Variants in CFH observed in about 807,000 individuals in gnomAD.
CFH encodes the protein H factor 1 (complement).
Under a neutral mutation model 147.3 loss-of-function variants are expected in CFH, and 53 were observed. The ratio of observed to expected loss-of-function variants is 0.36; its 90% confidence interval spans 0.29 to 0.45. The LOEUF (loss-of-function observed/expected upper bound fraction) is 0.45. Ranked by LOEUF, CFH falls within the 20% of genes least tolerant of loss-of-function variation. The pLI, the probability that CFH is intolerant of heterozygous loss-of-function variation, is 1.00. For synonymous variants in CFH, 536 were observed against 489.4 expected (o/e 1.10, Z -1.26); for missense variants, 1,380 against 1,498.0 (o/e 0.92, Z 1.30).
At chr1:196,664,524 T>A (rs2149071920) in intron 1 of CFH, among the ~76,000 whole-genome samples, 1 of 152,166 alleles carries the variant, frequency 6.6e-6, no homozygotes, top group South Asian at 2.1e-4. Context: ...ATAAAAGGAG[T>A]CATAGACAAT....
intron 10 of CFH, among the ~76,000 whole-genome samples, chr1:196,714,815 C>A (rs1402285723): frequency 6.7e-6 from 1 of 150,092 alleles, no homozygotes; most frequent in African/African-American, 2.4e-5. Context: ...ATTCTCCTAC[C>A]TCAGCCTCCT....
chr1:196,746,043 G>A (rs1260520796), intron 21 of CFH, 44 bp downstream of exon 21: 2 of 1,613,602 alleles, frequency 1.2e-6, no homozygotes, highest in African/African-American at 2.7e-5. Context: ...TCTCTGTGAT[G>A]AGTCTGATAT....
intron 9 of CFH, among the ~76,000 whole-genome samples, chr1:196,704,479 C>A (rs1230213234): frequency 1.3e-5 from 2 of 152,202 alleles, no homozygotes; most frequent in African/African-American, 4.8e-5. Flanking sequence ...CAGGTGCCTT[C>A]AGACCAAGCA....
intron 11 of CFH, 39 bp from the exon 12 acceptor site, chr1:196,725,082 A>T (rs56225627): frequency 6.5e-7 from 1 of 1,546,312 alleles, no homozygotes; most frequent in Non-Finnish European, 8.9e-7. Context: ...GGCAATGATT[A>T]ATTATATATT....
Position 196,673,842 on chromosome 1 carries a change from T to TTC in CFH, c.245-14_245-13insCT. 1 of 1,551,772 alleles carries TTC rather than the reference T, an allele frequency of 6.4e-7. No homozygotes were observed. The highest frequency in any genetic ancestry group is 1.7e-5 in the Admixed American group (1 of 59,910). ...GCTATTACATACTAATTCATAACTTTTTTTTTCGTTTTAGAAAGGCCCTGT... is the reference window on the plus strand; with the variant it reads ...GCTATTACATACTAATTCATAACTTTTCTTTTTTCGTTTTAGAAAGGCCCTGT... On this transcript the variant is annotated splice_polypyrimidine_tract_variant and intron_variant, in intron 2 of 21. Coordinates refer to ENST00000367429, the MANE Select transcript of CFH (RefSeq NM_000186.4).
At chr1:196,737,756 A>T (rs1652617909) in intron 17 of CFH, 96 bp downstream of exon 17, 1 of 869,046 alleles carries the variant, frequency 1.2e-6, no homozygotes, top group Non-Finnish European at 1.8e-6. Context: ...AGATTACTGC[A>T]TATATAAAAT....
intron 1 of CFH, among the ~76,000 whole-genome samples, chr1:196,670,867 T>C (rs145288086): frequency 2.6e-5 from 4 of 152,326 alleles, no homozygotes; most frequent in African/African-American, 9.6e-5. Flanking sequence ...CTTTGAGCTA[T>C]TGTTTCTTCA....
chr1:196,679,416 C>G (rs913951614), intron 5 of CFH: 2 of 426,012 alleles, frequency 4.7e-6, no homozygotes, highest in Admixed American at 7.8e-5. Flanking sequence ...TATCCTGAAA[C>G]TAAATAAAAT....
chr1:196,743,192 C>A (rs1425397229), intron 19 of CFH, among the ~76,000 whole-genome samples: 1 of 152,044 alleles, frequency 6.6e-6, no homozygotes, highest in Non-Finnish European at 1.5e-5. Context: ...CACTGGCTTC[C>A]AGAAGGGAAA....
intron 11 of CFH, among the ~76,000 whole-genome samples, chr1:196,719,944 A>G (rs1158386129): frequency 2.0e-5 from 3 of 151,736 alleles, no homozygotes; most frequent in African/African-American, 7.2e-5. Flanking sequence ...AACTTAAAAT[A>G]TATTAGAAAT....
At chr1:196,712,608 G>GTTATTATTATTA (rs371151489) in intron 9 of CFH, among the ~76,000 whole-genome samples, 4 of 149,052 alleles carry the variant, frequency 2.7e-5, no homozygotes, top group African/African-American at 7.4e-5. Context: ...CTTTTTTTGG[G>GTTATTATTATTA]TTATTATTAT....
intron 15 of CFH, among the ~76,000 whole-genome samples, chr1:196,729,142 A>G (rs395544): frequency 0.66 from 99,487 of 151,772 alleles, 33,380 homozygotes; most frequent in East Asian, 0.95. Flanking sequence ...TGCCTCACTA[A>G]CTTCAATATT....
At position 196,685,085 on chromosome 1, in the gene CFH, A is replaced by G. The variant is rs781344392; in HGVS notation, c.812A>G (p.Tyr271Cys). The G allele has an allele frequency of 3.1e-6, 5 of 1,610,452 alleles. No homozygotes were observed. The South Asian group carries it at 4.4e-5, about 14-fold the overall frequency. Residue 271 changes from tyrosine (Y) to cysteine (C), a missense_variant, in exon 7 of 22, where the codon TAT becomes TGT. Tyr to Cys is a radical substitution (Grantham distance 194). Around this residue, in one of 4 missense-constraint regions of CFH, gnomAD observed 167 missense variants for 228.0 expected, o/e 0.73. Coordinates refer to ENST00000367429, the MANE Select transcript of CFH (RefSeq NM_000186.4). ...SCEEKSCDNP[Y>C]IPNGDYSPLR... is the part of the protein sequence containing the mutation. Reference sequence around the variant, plus strand: ...TCAGAAAAATCATGTGATAATCCTTATATTCCAAATGGTGACTACTCACCT... The same window carrying G: ...TCAGAAAAATCATGTGATAATCCTTGTATTCCAAATGGTGACTACTCACCT...
intron 11 of CFH, among the ~76,000 whole-genome samples, chr1:196,716,563 A>G (rs1386581625): frequency 6.6e-6 from 1 of 152,116 alleles, no homozygotes; most frequent in Non-Finnish European, 1.5e-5. Context: ...AAGAGGCGAC[A>G]CCATGAGTCC....
chr1:196,698,394 C>T (rs1202929896), intron 9 of CFH, among the ~76,000 whole-genome samples: 4 of 152,108 alleles, frequency 2.6e-5, no homozygotes, highest in African/African-American at 4.8e-5. Context: ...GAGGGTATCA[C>T]CACTGATCCC....
chr1:196,692,573 T>TTTTC, intron 9 of CFH, among the ~76,000 whole-genome samples: 1 of 128,676 alleles, frequency 7.8e-6, no homozygotes, highest in East Asian at 2.9e-4. Flanking sequence ...CTTTCTTTCT[T>TTTTC]TTTCTTTCTT....
intron 1 of CFH, among the ~76,000 whole-genome samples, chr1:196,659,140 T>C (rs1000064326): frequency 2.6e-5 from 4 of 152,220 alleles, no homozygotes; most frequent in African/African-American, 9.6e-5. Flanking sequence ...TCCTATTTAA[T>C]AAGCCCGTTG....
intron 12 of CFH, among the ~76,000 whole-genome samples, chr1:196,725,684 G>C (rs911897196): frequency 6.6e-6 from 1 of 152,204 alleles, no homozygotes; most frequent in Admixed American, 6.5e-5. Flanking sequence ...CTGGTAGAAA[G>C]GGAAGAGGAG....
chr1:196,680,311 CAA>C (rs34028773), intron 6 of CFH, among the ~76,000 whole-genome samples: 10 of 93,644 alleles, frequency 1.1e-4, no homozygotes, highest in Non-Finnish European at 1.4e-4. Context: ...GGAAAATTAC[CAA>C]AAAAAAAAAA....
Sources: allele counts gnomAD v4.1 joint callset (sites outside exome capture counted in the v4.1 genomes callset), GRCh38; gene constraint gnomAD v4.1.1; regional missense constraint gnomAD v4.1.1; transcripts MANE v1.5; gene names NCBI Gene and HGNC (gene_info 2026-07-23, HGNC 2026-07-21).